The following CDK14 variants were observed in gnomAD, a reference collection of about 807,000 sequenced individuals.
CDK14 encodes cyclin dependent kinase 14.
Under a neutral mutation model 60.7 loss-of-function variants are expected in CDK14, and 34 were observed. The ratio of observed to expected loss-of-function variants is 0.56; its 90% CI spans 0.43 to 0.75. The LOEUF (loss-of-function observed/expected upper bound fraction) is 0.75. CDK14 is among the 30% of genes least tolerant of loss of function. The pLI, the probability that CDK14 is intolerant of heterozygous loss-of-function variation, is 0.00. For synonymous variants in CDK14, 197 were observed against 203.7 expected (o/e 0.97, Z 0.28); for missense variants, 482 against 564.1 (o/e 0.85, Z 1.47).
chr7:90,820,637 G>A (rs183439667), intron 5 of CDK14, among the ~76,000 whole-genome samples: 1 of 152,276 alleles, frequency 6.6e-6, no homozygotes, highest in East Asian at 1.9e-4. Flanking sequence ...AAATTACCCA[G>A]TCTCAGGTAG....
At chr7:90,908,261 T>C (rs544154977) in intron 7 of CDK14, among the ~76,000 whole-genome samples, 2 of 152,278 alleles carry the variant, frequency 1.3e-5, no homozygotes, top group South Asian at 4.1e-4. Context: ...GTGAATTTTC[T>C]GGTTAAGATA....
At chr7:90,794,142 G>C (rs929320485) in intron 5 of CDK14, among the ~76,000 whole-genome samples, 2 of 152,118 alleles carry the variant, frequency 1.3e-5, no homozygotes, top group Non-Finnish European at 2.9e-5. Context: ...TTTTATTAGT[G>C]ATTTTCAAAA....
At chr7:90,621,283 A>G (rs1428502027) in intron 2 of CDK14, among the ~76,000 whole-genome samples, 3 of 151,984 alleles carry the variant, frequency 2.0e-5, no homozygotes, top group Admixed American at 2.0e-4. Context: ...GCTCATGTTT[A>G]TTGTCTGGCA....
intron 2 of CDK14, among the ~76,000 whole-genome samples, chr7:90,676,947 T>TTG (rs386410709): frequency 2.4e-5 from 1 of 41,756 alleles, no homozygotes; most frequent in East Asian, 1.7e-3. Flanking sequence ...GTATATCAAG[T>TTG]TTTTTTTTTT....
intron 5 of CDK14, 116 bp downstream of exon 5, chr7:90,790,768 T>C (rs1805800047): frequency 1.7e-6 from 1 of 592,046 alleles, no homozygotes; most frequent in Non-Finnish European, 2.9e-6. Context: ...GTATCTTTCA[T>C]TAAAATGTGT....
At chr7:90,843,867 A>G (rs1584036745) in intron 5 of CDK14, among the ~76,000 whole-genome samples, 1 of 152,270 alleles carries the variant, frequency 6.6e-6, no homozygotes, top group East Asian at 1.9e-4. Context: ...GTTTTTGACT[A>G]TGATCTATAT....
intron 2 of CDK14, among the ~76,000 whole-genome samples, chr7:90,702,654 C>T (rs1202328083): frequency 6.7e-6 from 1 of 149,234 alleles, no homozygotes; most frequent in East Asian, 2.1e-4. Context: ...TATTTATTGT[C>T]GAATATCCAG....
At chr7:91,114,264 T>G (rs1799548155) in intron 13 of CDK14, among the ~76,000 whole-genome samples, 1 of 152,194 alleles carries the variant, frequency 6.6e-6, no homozygotes, top group Non-Finnish European at 1.5e-5. Flanking sequence ...ACTTTTCTGT[T>G]AATATGGACT....
chr7:91,153,779 G>A (rs1800893191), intron 14 of CDK14, among the ~76,000 whole-genome samples: 2 of 152,032 alleles, frequency 1.3e-5, no homozygotes, highest in Admixed American at 1.3e-4. Flanking sequence ...TAACTAATGG[G>A]TACTAGGCAT....
chr7:90,902,846 C>T (rs1013177829), intron 7 of CDK14, among the ~76,000 whole-genome samples: 7 of 151,888 alleles, frequency 4.6e-5, no homozygotes, highest in South Asian at 2.1e-4. Flanking sequence ...CTTCATCTGA[C>T]GAGGGACTAA....
chr7:91,177,037 G>A (rs914370893), intron 14 of CDK14, among the ~76,000 whole-genome samples: 1 of 149,626 alleles, frequency 6.7e-6, no homozygotes, highest in Non-Finnish European at 1.5e-5. Flanking sequence ...TATCCTTGAT[G>A]AACATTGATG....
intron 8 of CDK14, among the ~76,000 whole-genome samples, chr7:90,945,606 T>C (rs906582173): frequency 5.3e-5 from 8 of 152,192 alleles, no homozygotes; most frequent in African/African-American, 1.9e-4. Context: ...AGAACAAATA[T>C]ACTGAGCTCA....
At chr7:90,797,855 C>T (rs554684779) in intron 5 of CDK14, among the ~76,000 whole-genome samples, 1 of 152,044 alleles carries the variant, frequency 6.6e-6, no homozygotes, top group South Asian at 2.1e-4. Context: ...TGGTGTTAAA[C>T]CATGATAAAC....
intron 8 of CDK14, among the ~76,000 whole-genome samples, chr7:90,953,623 A>C (rs1198310920): frequency 6.6e-6 from 1 of 152,096 alleles, no homozygotes; most frequent in Non-Finnish European, 1.5e-5. Flanking sequence ...CAGTTTTTTT[A>C]TAACTAGCCT....
chr7:90,965,434 G>C (rs998234869), intron 9 of CDK14, among the ~76,000 whole-genome samples: 6 of 152,240 alleles, frequency 3.9e-5, no homozygotes, highest in South Asian at 2.1e-4. Flanking sequence ...AACTTCTTTG[G>C]GGAAGCTTCT....
At chr7:90,906,030 T>A (rs929877029) in intron 7 of CDK14, among the ~76,000 whole-genome samples, 4 of 152,142 alleles carry the variant, frequency 2.6e-5, no homozygotes, top group Admixed American at 2.0e-4. Context: ...GGATATGAAC[T>A]GCAGGTGAAA....
At chr7:91,002,519 T>C (rs1045138724) in intron 10 of CDK14, among the ~76,000 whole-genome samples, 2 of 152,238 alleles carry the variant, frequency 1.3e-5, no homozygotes, top group Non-Finnish European at 2.9e-5. Flanking sequence ...TAACTCCTAG[T>C]ATGAACTGCC....
At chr7:91,124,860 G>A (rs1475478661) in intron 14 of CDK14, among the ~76,000 whole-genome samples, 1 of 152,122 alleles carries the variant, frequency 6.6e-6, no homozygotes, top group East Asian at 1.9e-4. Context: ...GTTAGAATCA[G>A]TTCAGGTGCT....
chr7:90,601,972 A>G (rs1009706068), intron 1 of CDK14, among the ~76,000 whole-genome samples: 1 of 140,592 alleles, frequency 7.1e-6, no homozygotes, highest in Non-Finnish European at 1.5e-5. Context: ...GTATGTATGT[A>G]TGTGGTATTG....
Sources: gnomAD v4.1 joint callset for allele counts (sites outside exome capture counted in the v4.1 genomes callset) on GRCh38, gnomAD v4.1.1 for gene constraint, MANE v1.5 for transcripts, NCBI Gene and HGNC (gene_info 2026-07-23, HGNC 2026-07-21) for gene names.